The following MAP2K2 variants were observed in gnomAD, a reference collection of about 807,000 sequenced individuals.
MAP2K2 encodes dual specificity mitogen-activated protein kinase kinase 2.
Under a neutral mutation model 43.7 loss-of-function variants are expected in MAP2K2, and 24 were observed. That is an observed-to-expected ratio of 0.55 (90% confidence interval 0.40 to 0.77). The LOEUF (loss-of-function observed/expected upper bound fraction) is 0.77, where lower values mean the gene tolerates loss of function less well. Among genes scored for constraint, MAP2K2 ranks in the 30% least tolerant of loss-of-function variants. The pLI, the probability that MAP2K2 is intolerant of heterozygous loss-of-function variation, is 0.00. For synonymous variants in MAP2K2, 244 were observed against 239.7 expected (o/e 1.02, Z -0.17); for missense variants, 470 against 566.8 (o/e 0.83, Z 1.73).
Position 4,110,512 on chromosome 19 carries a change from G to C in MAP2K2, c.447C>G (p.His149Gln), listed in dbSNP as rs771338833. 1 of 1,613,554 alleles carries C rather than the reference G, an allele frequency of 6.2e-7. No individual in the cohort carries two copies. Among genetic ancestry groups the C allele is most frequent in the Non-Finnish European group, 8.5e-7 (1 of 1,180,020 alleles). The change falls in exon 3 of 11, where the codon CAC becomes CAG. Residue 149 changes from histidine (H) to glutamine (Q), a missense_variant. Transcript: ENST00000262948. ...SDGEISICME[H>Q]MDGGSLDQVL... ...CCCCTGCCCCGGACGCACTCACCAT[G>C]TGTTCCATGCAAATGCTGATCTCCC...
At chr19:4,097,491 A>G in intron 7 of MAP2K2, 148 bp from the exon 8 acceptor site, 2 of 670,262 alleles carry the variant, frequency 3.0e-6, no homozygotes, top group Non-Finnish European at 5.4e-6. Context: ...GCACTGGACA[A>G]AGCTCCCCTG....
In MAP2K2 at chr19:4,111,589, G is replaced by A. The variant is rs1599301418; in HGVS notation, c.304-934C>T. ...TCTCCTTCAACCCAAGTTCAAGACG[G>A]CAGGGGAAATTTTCATCAAGTTGAC... On this transcript the variant is annotated intron_variant, in intron 2 of 10. Coordinates refer to ENST00000262948, the MANE Select transcript of MAP2K2 (RefSeq NM_030662.4). Among the ~76,000 whole-genome samples, 4 of 152,274 alleles carry A rather than the reference G, an allele frequency of 2.6e-5. No individual in the cohort carries two copies. In the South Asian group the frequency reaches 8.3e-4, roughly 32 times the overall value.
chr19:4,103,691 G>A (rs1050227047), intron 3 of MAP2K2, among the ~76,000 whole-genome samples: 1 of 152,240 alleles, frequency 6.6e-6, no homozygotes, highest in Non-Finnish European at 1.5e-5. Context: ...CCGGGTTGCC[G>A]CTCTCTGGCC....
At chr19:4,099,114 G>T in intron 7 of MAP2K2, 87 bp downstream of exon 7, 1 of 1,163,670 alleles carries the variant, frequency 8.6e-7, no homozygotes, top group Non-Finnish European at 1.2e-6. Flanking sequence ...GCCAGGGGCA[G>T]AGGGGAGGCA....
chr19:4,121,344 G>C (rs1191636205), intron 1 of MAP2K2, among the ~76,000 whole-genome samples: 1 of 151,680 alleles, frequency 6.6e-6, no homozygotes, highest in Non-Finnish European at 1.5e-5. Context: ...GGGCCAGCAG[G>C]GTCCCCTGAT....
At chr19:4,109,564 A>G (rs746606055) in intron 3 of MAP2K2, among the ~76,000 whole-genome samples, 1 of 152,194 alleles carries the variant, frequency 6.6e-6, no homozygotes, top group Non-Finnish European at 1.5e-5. Context: ...TCAGCCTCTC[A>G]TGTAGCTGGT....
intron 3 of MAP2K2, among the ~76,000 whole-genome samples, chr19:4,109,194 G>A (rs901170842): frequency 4.6e-5 from 7 of 152,124 alleles, no homozygotes; most frequent in Non-Finnish European, 1.0e-4. Flanking sequence ...TGGCGGGGTC[G>A]GCAGCATTTC....
At chr19:4,103,560 G>T (rs1182921086) in intron 3 of MAP2K2, 1 of 110,422 alleles carries the variant, frequency 9.1e-6, no homozygotes, top group Non-Finnish European at 2.2e-5. Flanking sequence ...GCTGGCTGGG[G>T]AGCCTGGATT....
chr19:4,097,172 T>TGAC, intron 8 of MAP2K2, 107 bp downstream of exon 8: 1 of 828,846 alleles, frequency 1.2e-6, no homozygotes, highest in Non-Finnish European at 1.8e-6. Context: ...CCAGCCTTGG[T>TGAC]GACTCTTGCT....
At chr19:4,109,945 A>G (rs953309774) in intron 3 of MAP2K2, among the ~76,000 whole-genome samples, 13 of 152,174 alleles carry the variant, frequency 8.5e-5, no homozygotes, top group Admixed American at 2.6e-4. Context: ...CTCTGCTGTC[A>G]TAAGGACGCC....
intron 3 of MAP2K2, among the ~76,000 whole-genome samples, chr19:4,105,917 C>A (rs2041080274): frequency 6.6e-6 from 1 of 152,086 alleles, no homozygotes; most frequent in Admixed American, 6.6e-5. Flanking sequence ...CCCACTTCAG[C>A]CTCCCAAAGT....
intron 3 of MAP2K2, among the ~76,000 whole-genome samples, chr19:4,104,115 AT>A (rs1267336355): frequency 1.3e-5 from 2 of 152,060 alleles, no homozygotes; most frequent in African/African-American, 4.8e-5. Flanking sequence ...AATAAAAAAA[AT>A]TAGCTGGGCG....
At chr19:4,102,145 A>G (rs913818771) in intron 4 of MAP2K2, among the ~76,000 whole-genome samples, 6 of 152,116 alleles carry the variant, frequency 3.9e-5, no homozygotes, top group African/African-American at 1.4e-4. Flanking sequence ...GGATACTAAG[A>G]GTGAAGAGGG....
intron 3 of MAP2K2, among the ~76,000 whole-genome samples, chr19:4,105,299 C>T (rs1212945985): frequency 6.0e-5 from 9 of 150,992 alleles, no homozygotes; most frequent in South Asian, 2.1e-4. Context: ...GGCGGAGTCT[C>T]GCTCTGTTGC....
chr19:4,105,166 GT>G (rs1423975341), intron 3 of MAP2K2, among the ~76,000 whole-genome samples: 1 of 48,926 alleles, frequency 2.0e-5, no homozygotes, highest in Non-Finnish European at 7.6e-5. Context: ...GTGTGTGTGT[GT>G]GTGTGTGTGT....
intron 2 of MAP2K2, among the ~76,000 whole-genome samples, chr19:4,113,529 C>G (rs1333319666): frequency 6.6e-6 from 1 of 152,152 alleles, no homozygotes; most frequent in Non-Finnish European, 1.5e-5. Context: ...TGAGCAAGCT[C>G]AGGTTCGGAG....
In MAP2K2 at chr19:4,110,669, G is replaced by A. The variant is rs2145070468; in HGVS notation, c.304-14C>T. On this transcript the variant is annotated splice_polypyrimidine_tract_variant and intron_variant, in intron 2 of 10. Transcript: ENST00000262948. ...AAGGTGGATCAGCTGCAAGGGGAGAGGGGCGAGACTGGCTTGGGGGGTGCC... is the reference window on the plus strand; with the variant it reads ...AAGGTGGATCAGCTGCAAGGGGAGAAGGGCGAGACTGGCTTGGGGGGTGCC... 1 of 1,610,076 alleles carries A rather than the reference G, an allele frequency of 6.2e-7. No homozygotes were observed. The highest frequency in any genetic ancestry group is 1.1e-5 in the South Asian group (1 of 91,072).
rs138527359 is a variant in MAP2K2 at position 4,106,495 on chromosome 19, G to A, written c.450+4014C>T. ...ATGATCTCGGCTCACTGCAACCTCC[G>A]CCTCCCGGGTGCATGTGATTCTCCT... is the stretch of plus-strand genomic sequence containing the variant. On this transcript the variant is annotated intron_variant, in intron 3 of 10. Transcript: ENST00000262948. Among the ~76,000 whole-genome samples, 1,039 of 152,240 alleles carry A rather than the reference G, an allele frequency of 6.8e-3. 2 individuals carry two copies. The highest frequency in any genetic ancestry group is 0.011 in the Non-Finnish European group (744 of 68,032).
In MAP2K2 at chr19:4,095,413, C is replaced by A. The variant is rs564067943; in HGVS notation, c.1021G>T (p.Asp341Tyr). Residue 341 changes from aspartate to tyrosine, a missense_variant, in exon 9 of 11, where the codon GAC becomes TAC. Around this residue, in one of 3 missense-constraint regions of MAP2K2, gnomAD observed 212 missense variants for 220.8 expected, o/e 0.96. Transcript: ENST00000262948. ...CATTTATTGACAAACTCCTGGAAGT[C>A]GGGGGTGAACACACCGTTGGGCAGC... is the stretch of plus-strand genomic sequence containing the variant. Reference protein sequence around the residue: ...PKLPNGVFTPDFQEFVNKCLI... With the variant: ...PKLPNGVFTPYFQEFVNKCLI... 7 of 1,551,248 alleles carry A rather than the reference C, an allele frequency of 4.5e-6. No homozygotes were observed. Among genetic ancestry groups the A allele is most frequent in the Middle Eastern group, 3.3e-4 (2 of 5,986 alleles).
Sources: allele counts gnomAD v4.1 joint callset (sites outside exome capture counted in the v4.1 genomes callset), GRCh38; gene constraint gnomAD v4.1.1; regional missense constraint gnomAD v4.1.1; transcripts MANE v1.5; gene names NCBI Gene and HGNC (gene_info 2026-07-23, HGNC 2026-07-21).